SETBP1: variants seen among roughly 807,000 people sequenced by gnomAD.
The protein encoded by SETBP1 is SET binding protein 1, also known as SET-binding protein.
A neutral mutation model predicts 101.0 loss-of-function variants in SETBP1; 9 were observed. That is an observed-to-expected ratio of 0.09 (90% CI 0.05 to 0.16). The LOEUF (loss-of-function observed/expected upper bound fraction) is 0.16, where lower values mean the gene tolerates loss of function less well. Among genes scored for constraint, SETBP1 ranks in the 10% least tolerant of loss-of-function variants. The pLI, the probability that SETBP1 is intolerant of heterozygous loss-of-function variation, is 1.00. For synonymous variants in SETBP1, 818 were observed against 788.5 expected, an observed-to-expected ratio of 1.04 and a Z score of -0.63; for missense variants, 1,858 against 2,033.8, an observed-to-expected ratio of 0.91 and a Z score of 1.66.
chr18:45,003,057 A>C (rs1164305472), intron 4 of SETBP1, among the ~76,000 whole-genome samples: 3 of 152,254 alleles, frequency 2.0e-5, no homozygotes, highest in Admixed American at 1.3e-4. Context: ...TTTTCTCAAA[A>C]GGATACATCA....
chr18:44,738,948 C>T (rs2070040507), intron 2 of SETBP1, among the ~76,000 whole-genome samples: 1 of 152,078 alleles, frequency 6.6e-6, no homozygotes, highest in Non-Finnish European at 1.5e-5. Context: ...CCTCACTGGG[C>T]TCAAATCAAG....
chr18:44,746,768 A>G (rs908158389), intron 2 of SETBP1, among the ~76,000 whole-genome samples: 1 of 152,250 alleles, frequency 6.6e-6, no homozygotes, highest in African/African-American at 2.4e-5. Flanking sequence ...CATGGGACAC[A>G]GTAAAGAACA....
intron 3 of SETBP1, among the ~76,000 whole-genome samples, chr18:44,946,293 G>A (rs924369621): frequency 1.3e-5 from 2 of 152,300 alleles, no homozygotes; most frequent in Admixed American, 1.3e-4. Flanking sequence ...ATGGGATCAG[G>A]CAGTGGTCCA....
intron 3 of SETBP1, among the ~76,000 whole-genome samples, chr18:44,882,247 G>A (rs1337728011): frequency 6.6e-6 from 1 of 152,178 alleles, no homozygotes; most frequent in Non-Finnish European, 1.5e-5. Context: ...ATGAATGGGT[G>A]TGTGGCTGCC....
At chr18:44,783,129 A>T (rs2071169579) in intron 2 of SETBP1, among the ~76,000 whole-genome samples, 1 of 152,242 alleles carries the variant, frequency 6.6e-6, no homozygotes. Context: ...TCCCAAAGTT[A>T]CTAAAGGGAT....
intron 4 of SETBP1, among the ~76,000 whole-genome samples, chr18:44,971,730 T>C (rs1347966029): frequency 1.3e-5 from 2 of 152,244 alleles, no homozygotes; most frequent in Non-Finnish European, 2.9e-5. Context: ...GTTGTTTGTT[T>C]TTTCCTTGTA....
At chr18:44,766,722 C>T (rs907913092) in intron 2 of SETBP1, among the ~76,000 whole-genome samples, 3 of 152,072 alleles carry the variant, frequency 2.0e-5, no homozygotes, top group Non-Finnish European at 4.4e-5. Context: ...CCTGTAGTAA[C>T]AGCTACTTAT....
At chr18:44,942,990 A>T (rs2071120238) in intron 3 of SETBP1, among the ~76,000 whole-genome samples, 1 of 152,210 alleles carries the variant, frequency 6.6e-6, no homozygotes, top group African/African-American at 2.4e-5. Flanking sequence ...GAAACTTCAT[A>T]TTCGTTTAGA....
At chr18:44,748,305 A>ATC (rs779043092) in intron 2 of SETBP1, among the ~76,000 whole-genome samples, 1 of 152,244 alleles carries the variant, frequency 6.6e-6, no homozygotes, top group Non-Finnish European at 1.5e-5. Flanking sequence ...ATAAAAGATG[A>ATC]TCTCTCTGTT....
rs1335079826 is a variant in SETBP1, at chr18:45,063,518, C to G, written c.4611C>G (p.Pro1537=). 7.3e-7 allele frequency: 1 copy of G among 1,376,150 alleles called. No individual in the cohort carries two copies. The highest frequency in any genetic ancestry group is 1.5e-5 in the African/African-American group (1 of 65,198). 85.2% of individuals were successfully genotyped at this position (1,376,150 alleles called of 1,614,324 possible). The change falls in exon 6 of 6, where the codon CCC becomes CCG. Residue 1537 remains proline, a synonymous_variant. Transcript: ENST00000649279. ...PPPLPPPPPP[P]LPPPPPLPKT... Reference sequence around the variant, plus strand: ...CCCTGCCGCCACCGCCGCCACCACCCCTGCCCCCGCCACCCCCTCTACCCA... The same window carrying G: ...CCCTGCCGCCACCGCCGCCACCACCGCTGCCCCCGCCACCCCCTCTACCCA...
intron 4 of SETBP1, among the ~76,000 whole-genome samples, chr18:44,994,475 A>C (rs1451466310): frequency 6.6e-6 from 1 of 152,228 alleles, no homozygotes; most frequent in Non-Finnish European, 1.5e-5. Context: ...ACAATTTGGC[A>C]TTATATAGTA....
intron 4 of SETBP1, among the ~76,000 whole-genome samples, chr18:45,009,356 C>A (rs1037092463): frequency 6.6e-6 from 1 of 150,554 alleles, no homozygotes; most frequent in Non-Finnish European, 1.5e-5. Flanking sequence ...AAGCATGGAG[C>A]GGAGCTGCGT....
At chr18:44,913,155 T>C (rs1015251196) in intron 3 of SETBP1, among the ~76,000 whole-genome samples, 1 of 152,228 alleles carries the variant, frequency 6.6e-6, no homozygotes, top group Non-Finnish European at 1.5e-5. Context: ...GGAATTTTCC[T>C]TCATAAATGT....
intron 3 of SETBP1, among the ~76,000 whole-genome samples, chr18:44,877,605 C>A (rs555116709): frequency 2.0e-5 from 3 of 152,290 alleles, no homozygotes; most frequent in East Asian, 3.9e-4. Context: ...AGACGTGTGA[C>A]AATAACAGGG....
Position 44,953,407 on chromosome 18 carries a change from A to C in SETBP1, c.4000+67A>C. 9.4e-6 allele frequency: 13 copies of C among 1,382,406 alleles called. No individual in the cohort carries two copies. The South Asian group carries it at 1.2e-4, about 13-fold the overall frequency. The allele number at this position is 1,382,406 out of a possible 1,614,324, so 85.6% of individuals were successfully genotyped here. On this transcript the variant is annotated intron_variant, in intron 4 of 5. Transcript: ENST00000649279. Reference sequence around the variant, plus strand: ...CATTGCTGGGCTTTGCACCTCAGACACATCTGTGGCACATTGTGTTCACTA... The same window carrying C: ...CATTGCTGGGCTTTGCACCTCAGACCCATCTGTGGCACATTGTGTTCACTA...
rs2073004649 is a variant in SETBP1, at chr18:44,857,621, A to G, written c.487-11609A>G. Among the ~76,000 whole-genome samples, 6 of 152,234 alleles carry G rather than the reference A, an allele frequency of 3.9e-5. 1 individual carries two copies. In the South Asian group the frequency reaches 1.2e-3, roughly 32 times the overall value. On this transcript the variant is annotated intron_variant, in intron 2 of 5. Coordinates refer to ENST00000649279, the MANE Select transcript of SETBP1 (RefSeq NM_015559.3). ...GGGCTTTCAGACTAACTTCGCAGCT[A>G]CTTCCAGTCCTGCTGATGTAGGATC...
intron 2 of SETBP1, chr18:44,732,452 A>G (rs1053888659): frequency 2.6e-5 from 4 of 152,236 alleles, no homozygotes; most frequent in Admixed American, 6.5e-5. Context: ...CGACGGATAT[A>G]TAAGTGAAGA....
intron 5 of SETBP1, among the ~76,000 whole-genome samples, chr18:45,044,540 C>T (rs1338548225): frequency 1.3e-5 from 2 of 152,146 alleles, no homozygotes; most frequent in Non-Finnish European, 2.9e-5. Flanking sequence ...TATTTTCACT[C>T]TTAAAGGAGA....
In SETBP1 at chr18:45,026,851, C is replaced by G. The variant is rs374445965; in HGVS notation, c.4001-11634C>G. On this transcript the variant is annotated intron_variant, in intron 4 of 5. Coordinates refer to ENST00000649279, the MANE Select transcript of SETBP1 (RefSeq NM_015559.3). Reference sequence around the variant, plus strand: ...ACACGTGTGTATGTGCGTGTACAAACCAACTTAGGCAAGAATTCTAACCTG... The same window carrying G: ...ACACGTGTGTATGTGCGTGTACAAAGCAACTTAGGCAAGAATTCTAACCTG... 3.5e-4 allele frequency among the ~76,000 whole-genome samples: 54 copies of G among 152,198 alleles called. 1 individual carries two copies. The highest frequency in any genetic ancestry group is 1.3e-3 in the African/African-American group (52 of 41,532).
Sources: gnomAD v4.1 joint callset for allele counts (sites outside exome capture counted in the v4.1 genomes callset) on GRCh38, gnomAD v4.1.1 for gene constraint, MANE v1.5 for transcripts, NCBI Gene and HGNC (gene_info 2026-07-23, HGNC 2026-07-21) for gene names.